The following GRK3 variants were observed in gnomAD, a reference collection of about 807,000 sequenced individuals.
The protein encoded by GRK3 is adrenergic, beta, receptor kinase 2.
In GRK3, 54 loss-of-function variants were observed where a neutral mutation model predicts 95.7. The observed-to-expected ratio is 0.56, with a 90% confidence interval of 0.45 to 0.71. The LOEUF (loss-of-function observed/expected upper bound fraction) is 0.71, where lower values mean the gene tolerates loss of function less well. Ranked by LOEUF, GRK3 falls within the 30% of genes least tolerant of loss-of-function variation. The probability of loss-of-function intolerance (pLI) is 0.00; values close to 1 mark genes in which losing one functional copy is unlikely to be tolerated. For synonymous variants in GRK3, 281 were observed against 290.8 expected, an observed-to-expected ratio of 0.97 and a Z score of 0.34; for missense variants, 649 against 851.2, an observed-to-expected ratio of 0.76 and a Z score of 2.96.
intron 13 of GRK3, among the ~76,000 whole-genome samples, chr22:25,701,401 A>G (rs988236125): frequency 3.3e-5 from 5 of 152,262 alleles, no homozygotes; most frequent in Admixed American, 6.5e-5. Flanking sequence ...TCAAGATTTC[A>G]ACTTGAAAGA....
intron 2 of GRK3, among the ~76,000 whole-genome samples, chr22:25,612,375 G>T (rs764929811): frequency 6.6e-6 from 1 of 152,038 alleles, no homozygotes; most frequent in Non-Finnish European, 1.5e-5. Context: ...ATTGTGAATG[G>T]AATTGTTTTA....
chr22:25,644,776 A>C (rs1301134096), intron 3 of GRK3, 111 bp downstream of exon 3: 2 of 561,684 alleles, frequency 3.6e-6, no homozygotes, highest in East Asian at 6.4e-5. Flanking sequence ...AATTCATTGA[A>C]AGTAATTAGT....
At chr22:25,708,949 A>T (rs920911123) in intron 15 of GRK3, among the ~76,000 whole-genome samples, 1 of 152,176 alleles carries the variant, frequency 6.6e-6, no homozygotes, top group Non-Finnish European at 1.5e-5. Flanking sequence ...GGTATGAGCC[A>T]CCATGCCTGA....
chr22:25,616,873 G>T lies in GRK3; in HGVS notation c.190+12420G>T, dbSNP rs1176836632. On this transcript the variant is annotated intron_variant, in intron 2 of 20. Transcript: ENST00000324198. ...ATGCCTCTTGGAATTAAAGTAACTTGATTTGCACAGTGGGCCATTTGCTGG... is the reference window on the plus strand; with the variant it reads ...ATGCCTCTTGGAATTAAAGTAACTTTATTTGCACAGTGGGCCATTTGCTGG... Among the ~76,000 whole-genome samples, 3 of 152,232 alleles carry T rather than the reference G, an allele frequency of 2.0e-5. 1 individual carries two copies. The highest frequency in any genetic ancestry group is 6.5e-5 in the Admixed American group (1 of 15,282).
intron 2 of GRK3, among the ~76,000 whole-genome samples, chr22:25,605,760 C>A (rs1411585078): frequency 6.6e-6 from 1 of 152,198 alleles, no homozygotes; most frequent in African/African-American, 2.4e-5. Context: ...CTCCCGGCAA[C>A]CACGAATTGA....
At chr22:25,620,414 T>C (rs576416424) in intron 2 of GRK3, among the ~76,000 whole-genome samples, 8 of 152,204 alleles carry the variant, frequency 5.3e-5, no homozygotes, top group Non-Finnish European at 7.4e-5. Flanking sequence ...CCCGCAGGGA[T>C]TGTGGGGATT....
intron 1 of GRK3, among the ~76,000 whole-genome samples, chr22:25,587,411 A>T (rs1932352024): frequency 6.6e-6 from 1 of 152,136 alleles, no homozygotes; most frequent in African/African-American, 2.4e-5. Flanking sequence ...AATGATTCTT[A>T]CAACTAATTT....
intron 17 of GRK3, 85 bp downstream of exon 17, chr22:25,711,248 T>A: frequency 1.2e-6 from 1 of 832,426 alleles, no homozygotes; most frequent in Middle Eastern, 2.4e-4. Flanking sequence ...GTTGTTTTAA[T>A]ATTGGGCTGT....
chr22:25,606,764 A>T (rs1363276744), intron 2 of GRK3, among the ~76,000 whole-genome samples: 1 of 152,178 alleles, frequency 6.6e-6, no homozygotes, highest in East Asian at 1.9e-4. Flanking sequence ...AATTGGTAAA[A>T]ATGTTTTCAA....
intron 2 of GRK3, among the ~76,000 whole-genome samples, chr22:25,639,666 A>G (rs1294319406): frequency 6.6e-6 from 1 of 152,098 alleles, no homozygotes; most frequent in Non-Finnish European, 1.5e-5. Context: ...GCATTTCCAT[A>G]TATATTTTCG....
chr22:25,630,673 G>A (rs1051209536), intron 2 of GRK3, among the ~76,000 whole-genome samples: 1 of 152,154 alleles, frequency 6.6e-6, no homozygotes, highest in Non-Finnish European at 1.5e-5. Flanking sequence ...AACATTCCAT[G>A]AATTTTTCTT....
chr22:25,666,792 A>AT (rs1459602927), intron 5 of GRK3, among the ~76,000 whole-genome samples: 5 of 152,162 alleles, frequency 3.3e-5, no homozygotes, highest in African/African-American at 1.2e-4. Context: ...CTATGAAGAC[A>AT]TAAAAAAAAG....
rs1272847980 is a variant in GRK3 at position 25,726,392 on chromosome 22, A to G, written c.*3942A>G. ...ATGCTTTGAAATGTGCTGGTGTAAG[A>G]TAAGAGTTATCTTGTATGATTTAAT... On this transcript the variant is annotated 3_prime_UTR_variant, in exon 21 of 21. Coordinates refer to ENST00000324198, the MANE Select transcript of GRK3 (RefSeq NM_005160.4). 1 of 152,210 alleles carries G rather than the reference A, an allele frequency of 6.6e-6. No individual in the cohort carries two copies. The highest frequency in any genetic ancestry group is 1.5e-5 in the Non-Finnish European group (1 of 68,034). The allele number at this position is 152,210 out of a possible 1,614,324, so 9.4% of individuals were successfully genotyped here.
chr22:25,634,535 T>C (rs938247775), intron 2 of GRK3, among the ~76,000 whole-genome samples: 3 of 152,234 alleles, frequency 2.0e-5, no homozygotes, highest in Non-Finnish European at 4.4e-5. Context: ...TCTTGGAACA[T>C]GTAACTGATT....
intron 2 of GRK3, among the ~76,000 whole-genome samples, chr22:25,633,416 G>A (rs1226269334): frequency 1.3e-5 from 2 of 152,064 alleles, no homozygotes; most frequent in Admixed American, 1.3e-4. Flanking sequence ...CCAATATCAA[G>A]TCTTCCGATC....
At chr22:25,585,170 C>T (rs1424448404) in intron 1 of GRK3, among the ~76,000 whole-genome samples, 4 of 152,284 alleles carry the variant, frequency 2.6e-5, no homozygotes, top group South Asian at 2.1e-4. Context: ...GGCCAAGCCT[C>T]GTGTTATGGG....
intron 2 of GRK3, among the ~76,000 whole-genome samples, chr22:25,615,266 A>T (rs2084529664): frequency 6.6e-6 from 1 of 152,116 alleles, no homozygotes; most frequent in African/African-American, 2.4e-5. Flanking sequence ...ATCTTAATTT[A>T]TGTTGCTAGA....
intron 1 of GRK3, among the ~76,000 whole-genome samples, chr22:25,593,607 A>G (rs1039371769): frequency 2.0e-5 from 3 of 152,212 alleles, no homozygotes; most frequent in Non-Finnish European, 2.9e-5. Context: ...CCTTTGTCAG[A>G]TGCATAGTTT....
At chr22:25,653,435 T>C (rs1330348335) in intron 3 of GRK3, among the ~76,000 whole-genome samples, 4 of 152,228 alleles carry the variant, frequency 2.6e-5, no homozygotes, top group African/African-American at 9.6e-5. Context: ...TTCTTAATGA[T>C]AACAGGGCCA....
Sources: gnomAD v4.1 joint callset for allele counts (sites outside exome capture counted in the v4.1 genomes callset) on GRCh38, gnomAD v4.1.1 for gene constraint, MANE v1.5 for transcripts, NCBI Gene and HGNC (gene_info 2026-07-23, HGNC 2026-07-21) for gene names.